The following WDR72 variants were observed in gnomAD, a reference collection of about 807,000 sequenced individuals.
WDR72 encodes WD repeat domain 72.
A neutral mutation model predicts 124.2 loss-of-function variants in WDR72; 120 were observed. The ratio of observed to expected loss-of-function variants is 0.97; its 90% CI spans 0.83 to 1.12. WDR72 has a LOEUF of 1.12. WDR72 is among the 50% of genes most tolerant of loss of function. The pLI, the probability that WDR72 is intolerant of heterozygous loss-of-function variation, is 0.00. For synonymous variants in WDR72, 452 were observed against 441.7 expected (o/e 1.02, Z -0.29); for missense variants, 1,387 against 1,278.8 (o/e 1.08, Z -1.29).
chr15:53,629,503 A>G (rs2014340533), intron 14 of WDR72, among the ~76,000 whole-genome samples: 1 of 152,088 alleles, frequency 6.6e-6, no homozygotes, highest in Non-Finnish European at 1.5e-5. Context: ...AATAAAATGA[A>G]TAAAAGAGAA....
chr15:53,657,847 G>C (rs983308276), intron 14 of WDR72, among the ~76,000 whole-genome samples: 1 of 152,156 alleles, frequency 6.6e-6, no homozygotes, highest in African/African-American at 2.4e-5. Flanking sequence ...CGCCGACCTT[G>C]AATGAGCCTT....
At chr15:53,663,370 G>A (rs1225762656) in intron 14 of WDR72, among the ~76,000 whole-genome samples, 1 of 151,976 alleles carries the variant, frequency 6.6e-6, no homozygotes, top group East Asian at 1.9e-4. Context: ...GTCATCTAAG[G>A]CAAGGGGCAA....
At chr15:53,523,163 C>A in intron 19 of WDR72, 55 bp downstream of exon 19, 1 of 1,559,642 alleles carries the variant, frequency 6.4e-7, no homozygotes, top group South Asian at 1.1e-5. Flanking sequence ...CCAAGGACCC[C>A]AAAGCTGTGT....
intron 18 of WDR72, among the ~76,000 whole-genome samples, chr15:53,592,509 A>C (rs1345715149): frequency 6.6e-6 from 1 of 152,112 alleles, no homozygotes; most frequent in African/African-American, 2.4e-5. Context: ...CTTGATGTAC[A>C]ATAAATGCAT....
chr15:53,543,136 A>G (rs1306924157), intron 18 of WDR72, among the ~76,000 whole-genome samples: 2 of 139,612 alleles, frequency 1.4e-5, no homozygotes, highest in Non-Finnish European at 3.1e-5. Context: ...GCTCTGCACC[A>G]AGCGGACCTA....
rs184066193 is a variant in WDR72 at position 53,669,224 on chromosome 15, C to A, written c.1766-3456G>T. Among the ~76,000 whole-genome samples, 32 of 152,248 alleles carry A rather than the reference C, an allele frequency of 2.1e-4. No individual in the cohort carries two copies. The East Asian group carries it at 6.2e-3, about 29-fold the overall frequency. ...TACTCTTTGGGTAGTTTTGTAACAG[C>A]GCCTCCAGCAAGACATCTCCCTATG... On this transcript the variant is annotated intron_variant, in intron 13 of 19. Transcript: ENST00000360509.
intron 19 of WDR72, among the ~76,000 whole-genome samples, chr15:53,522,124 G>T (rs541652274): frequency 7.2e-5 from 11 of 151,992 alleles, no homozygotes; most frequent in African/African-American, 2.7e-4. Flanking sequence ...CAATGCCATC[G>T]CCACTGCGCC....
intron 2 of WDR72, among the ~76,000 whole-genome samples, chr15:53,730,554 G>C (rs968869878): frequency 6.6e-6 from 1 of 152,092 alleles, no homozygotes; most frequent in Non-Finnish European, 1.5e-5. Flanking sequence ...ACATACTTTT[G>C]GAGGGGGAAA....
intron 14 of WDR72, among the ~76,000 whole-genome samples, chr15:53,648,656 T>G (rs1327958062): frequency 6.6e-6 from 1 of 152,170 alleles, no homozygotes; most frequent in Non-Finnish European, 1.5e-5. Flanking sequence ...CACAAACACT[T>G]ATTTTGGGTA....
chr15:53,726,218 GTGTA>G (rs1376265352), intron 2 of WDR72, among the ~76,000 whole-genome samples: 13 of 132,330 alleles, frequency 9.8e-5, no homozygotes, highest in African/African-American at 4.0e-4. Flanking sequence ...ATATATGTAT[GTGTA>G]TATATATATA....
At chr15:53,610,868 C>T (rs2013510912) in intron 16 of WDR72, among the ~76,000 whole-genome samples, 3 of 152,040 alleles carry the variant, frequency 2.0e-5, no homozygotes, top group Non-Finnish European at 4.4e-5. Flanking sequence ...CCTCCCTCTC[C>T]CACTTTGTGG....
Position 53,621,430 on chromosome 15 carries a change from G to GATATATATATATATATAT in WDR72, c.1963-5205_1963-5188dup, listed in dbSNP as rs57355125. On this transcript the variant is annotated intron_variant, in intron 14 of 19. Coordinates refer to ENST00000360509, the MANE Select transcript of WDR72 (RefSeq NM_182758.4). ...ATCAATGAGTGGATAAAGAAACTGT[G>GATATATATATATATATAT]ATATATATATATATATATATATATA... Among the ~76,000 whole-genome samples, 856 of 124,116 alleles carry GATATATATATATATATAT rather than the reference G, an allele frequency of 6.9e-3. 47 individuals are homozygous for GATATATATATATATATAT. The highest frequency in any genetic ancestry group is 0.029 in the African/African-American group (782 of 27,396). The allele number at this position is 124,116 out of a possible 152,430, so 81.4% of individuals were successfully genotyped here. A position where few individuals can be genotyped will look rare whatever the true frequency, so the allele number is the denominator to read the frequency against.
chr15:53,558,371 T>C (rs1894004641), intron 18 of WDR72, among the ~76,000 whole-genome samples: 1 of 152,028 alleles, frequency 6.6e-6, no homozygotes, highest in South Asian at 2.1e-4. Context: ...TTTACAACTG[T>C]GGTATAAGAA....
chr15:53,605,276 G>A (rs986866947), intron 17 of WDR72, among the ~76,000 whole-genome samples: 1 of 152,144 alleles, frequency 6.6e-6, no homozygotes, highest in Non-Finnish European at 1.5e-5. Flanking sequence ...ACTTATAAGT[G>A]GGAGCTAAAT....
chr15:53,535,654 A>C (rs1892723238), intron 18 of WDR72, among the ~76,000 whole-genome samples: 1 of 152,178 alleles, frequency 6.6e-6, no homozygotes. Flanking sequence ...TCCAATTTAG[A>C]GGCATTTGGT....
upstream of WDR72, among the ~76,000 whole-genome samples, chr15:53,760,853 A>G (rs892021840): frequency 2.6e-5 from 4 of 152,194 alleles, no homozygotes; most frequent in Admixed American, 2.6e-4. Context: ...GCCAGACACA[A>G]TGGCTCACAT....
chr15:53,546,207 A>G (rs1320292226), intron 18 of WDR72, among the ~76,000 whole-genome samples: 1 of 149,682 alleles, frequency 6.7e-6, no homozygotes, highest in African/African-American at 2.5e-5. Flanking sequence ...ATAAAGACAC[A>G]TGCACACGTA....
intron 13 of WDR72, among the ~76,000 whole-genome samples, chr15:53,674,136 G>C (rs894655447): frequency 6.6e-6 from 1 of 152,100 alleles, no homozygotes; most frequent in Non-Finnish European, 1.5e-5. Flanking sequence ...TTCCATATTG[G>C]GTAGGCATTT....
intron 6 of WDR72, 50 bp downstream of exon 6, chr15:53,714,384 T>C (rs372623827): frequency 7.8e-6 from 11 of 1,406,930 alleles, no homozygotes; most frequent in South Asian, 1.2e-5. Flanking sequence ...TAAATTTTAA[T>C]GAATATGCTT....
Sources: gnomAD v4.1 joint callset for allele counts (sites outside exome capture counted in the v4.1 genomes callset) on GRCh38, gnomAD v4.1.1 for gene constraint, MANE v1.5 for transcripts, NCBI Gene and HGNC (gene_info 2026-07-23, HGNC 2026-07-21) for gene names.